The following AXIN2 variants were observed in gnomAD, a reference collection of about 807,000 sequenced individuals.
The protein encoded by AXIN2 is axin-2.
In AXIN2, 21 loss-of-function variants were observed where a neutral mutation model predicts 74.7. That is an observed-to-expected ratio of 0.28 (90% CI 0.20 to 0.40). The LOEUF is 0.40. Ranked by LOEUF, AXIN2 falls within the 10% of genes least tolerant of loss-of-function variation. The probability of loss-of-function intolerance (pLI) is 1.00; values close to 1 mark genes in which losing one functional copy is unlikely to be tolerated. For missense variants in AXIN2, 1,144 were observed against 1,111.1 expected (o/e 1.03, Z -0.42); for synonymous variants, 532 against 454.9 (o/e 1.17, Z -2.16).
chr17:65,558,182 T>C lies in AXIN2; in HGVS notation c.439A>G (p.Lys147Glu). The C allele has an allele frequency of 6.2e-7, 1 of 1,612,798 alleles. No homozygotes were observed. The highest frequency in any genetic ancestry group is 1.3e-5 in the African/African-American group (1 of 74,516). ...GTCTTGGTGGCAGGCTTCAGCTGCT[T>C]GGAGACAATGCTGTTGTTCTCAATG... ...RYIENNSIVS[K>E]QLKPATKTYI... Residue 147 changes from lysine to glutamate, a missense_variant, in exon 2 of 11, where the codon AAG (lysine) becomes GAG (glutamate). This residue lies in a region of AXIN2 where 1,053 missense variants were observed against 973.5 expected (regional missense o/e 1.08). Transcript: ENST00000307078.
rs931608809 is a variant in AXIN2, at chr17:65,537,560, G to A, written c.1476C>T (p.Ala492=). Residue 492 remains alanine, a synonymous_variant, in exon 6 of 11, where the codon GCC becomes GCT. Coordinates refer to ENST00000307078, the MANE Select transcript of AXIN2 (RefSeq NM_004655.4). ...CGAGGAGGGGGCAGGCGCCCGGCGA[G>A]GCGGCCGCGGGAGGCAGCTTGCCAC... ...PPGGKLPPAA[A]SPGACPLLGG... The A allele has an allele frequency of 4.3e-5, 70 of 1,611,386 alleles. No homozygotes were observed. The highest frequency in any genetic ancestry group is 5.9e-5 in the Non-Finnish European group (69 of 1,179,328).
Position 65,529,611 on chromosome 17 carries a change from G to C in AXIN2, c.*365C>G. ...GAAATCAACTGTTCTATAAATATCA[G>C]TAAGGATTCCTGTTCAGGTAAGCTA... On this transcript the variant is annotated 3_prime_UTR_variant, in exon 11 of 11. Coordinates refer to ENST00000307078, the MANE Select transcript of AXIN2 (RefSeq NM_004655.4). 1 of 399,690 alleles carries C rather than the reference G, an allele frequency of 2.5e-6. No individual in the cohort carries two copies. Among genetic ancestry groups the C allele is most frequent in the African/African-American group, 2.0e-5 (1 of 50,264 alleles). 24.8% of individuals were successfully genotyped at this position (399,690 alleles called of 1,614,324 possible).
chr17:65,533,804 C>A, intron 10 of AXIN2, 108 bp downstream of exon 10: 13 of 719,574 alleles, frequency 1.8e-5, no homozygotes, highest in East Asian at 3.8e-5. Flanking sequence ...TGAGCCCCCT[C>A]CCACCCTGCC....
intron 4 of AXIN2, 29 bp downstream of exon 4, chr17:65,541,426 G>T (rs763010361): frequency 6.3e-7 from 1 of 1,577,688 alleles, no homozygotes; most frequent in East Asian, 2.2e-5. Context: ...GCAGAAAACA[G>T]CTGTCTCCTC....
At position 65,541,507 on chromosome 17, in the gene AXIN2, T is replaced by G. The variant is rs988630121; in HGVS notation, c.1007A>C (p.Glu336Ala). Reference protein sequence around the residue: ...RVGSKKQLQREMHRSVKANGQ... With the variant: ...RVGSKKQLQRAMHRSVKANGQ... ...ATTGGCCTTCACACTGCGATGCATTTCTCTCTGGAGCTGTTTCTTACTGCC... is the reference window on the plus strand; with the variant it reads ...ATTGGCCTTCACACTGCGATGCATTGCTCTCTGGAGCTGTTTCTTACTGCC... The change falls in exon 4 of 11, where the codon GAA (glutamate) becomes GCA (alanine). Residue 336 changes from glutamate to alanine, a missense_variant. Physicochemically the swap from Glu to Ala is moderately radical, Grantham distance 107. This residue lies in a region of AXIN2 where 1,053 missense variants were observed against 973.5 expected (regional missense o/e 1.08). Coordinates refer to ENST00000307078, the MANE Select transcript of AXIN2 (RefSeq NM_004655.4). 6.2e-7 allele frequency: 1 copy of G among 1,614,170 alleles called. No individual in the cohort carries two copies. Among genetic ancestry groups the G allele is most frequent in the Non-Finnish European group, 8.5e-7 (1 of 1,180,024 alleles).
chr17:65,558,038 T>C lies in AXIN2; in HGVS notation c.583A>G (p.Ile195Val), dbSNP rs2044297799. The C allele has an allele frequency of 2.5e-6, 4 of 1,614,150 alleles. No individual in the cohort carries two copies. Among genetic ancestry groups the C allele is most frequent in the Non-Finnish European group, 3.4e-6 (4 of 1,180,028 alleles). ...CCACTCCTCACATATTCGAGGTATA[T>C]ATCAGAAGTCAAAAACATCTGGTAG... ...NAYQMFLTSD[I>V]YLEYVRSGGE... Residue 195 changes from isoleucine (I) to valine (V), a missense_variant, in exon 2 of 11, where the codon ATA (isoleucine) becomes GTA (valine). By Grantham distance (29) the Ile-to-Val change is conservative. Around this residue, in one of 4 missense-constraint regions of AXIN2, gnomAD observed 1,053 missense variants for 973.5 expected, o/e 1.08. Coordinates refer to ENST00000307078, the MANE Select transcript of AXIN2 (RefSeq NM_004655.4).
rs1555577948 is a variant in AXIN2, at chr17:65,537,662, G to C, written c.1374C>G (p.Gly458=). The C allele has an allele frequency of 6.4e-7, 1 of 1,563,834 alleles. No homozygotes were observed. Residue 458 remains glycine, a synonymous_variant, in exon 6 of 11, where the codon GGC becomes GGG. Coordinates refer to ENST00000307078, the MANE Select transcript of AXIN2 (RefSeq NM_004655.4). ...GGGAGCGGGAGCGGGGGCTATAGCG[G>C]CCTACGCCTGGAGACTGGCAGCCAG... ...KTPGCQSPGV[G]RYSPRSRSPD... is the part of the protein sequence containing the mutation.
intron 5 of AXIN2, 61 bp from the exon 6 acceptor site, chr17:65,537,896 G>T (rs2144469829): frequency 6.7e-7 from 1 of 1,491,050 alleles, no homozygotes; most frequent in East Asian, 2.4e-5. Flanking sequence ...AGAGGCCCTG[G>T]GGTTGCAACA....
Position 65,538,132 on chromosome 17 carries a change from T to C in AXIN2, c.1200+71A>G, listed in dbSNP as rs8078753. The C allele has an allele frequency of 0.89, 1,437,645 of 1,610,464 alleles. 642,127 individuals carry two copies. Among genetic ancestry groups the C allele is most frequent in the Middle Eastern group, 0.96 (5,387 of 5,624 alleles). On this transcript the variant is annotated intron_variant, in intron 5 of 10. Transcript: ENST00000307078. ...CATGCGCACACCCTAACGCACCCCA[T>C]GCACATGCGCATACACATACGAGCG...
chr17:65,556,101 G>C (rs1358677907), intron 2 of AXIN2, among the ~76,000 whole-genome samples: 1 of 152,130 alleles, frequency 6.6e-6, no homozygotes, highest in Non-Finnish European at 1.5e-5. Context: ...TCCCAGATGA[G>C]GCAAGCCCAG....
At chr17:65,538,847 C>A (rs753438138) in intron 4 of AXIN2, among the ~76,000 whole-genome samples, 3 of 152,050 alleles carry the variant, frequency 2.0e-5, no homozygotes, top group Non-Finnish European at 4.4e-5. Flanking sequence ...GGGAGTCAAA[C>A]GGCCTGGATC....
chr17:65,545,399 ATT>A (rs1567761281), intron 3 of AXIN2, among the ~76,000 whole-genome samples: 1 of 152,070 alleles, frequency 6.6e-6, no homozygotes, highest in East Asian at 1.9e-4. Flanking sequence ...CGTTAAAAAA[ATT>A]TTTTTTGGCA....
chr17:65,560,801 G>C (rs1241396785), intron 1 of AXIN2: 2 of 151,098 alleles, frequency 1.3e-5, no homozygotes, highest in African/African-American at 4.9e-5. Context: ...CGGTCCGCCC[G>C]GCCGCCTCGG....
intron 3 of AXIN2, 149 bp downstream of exon 3, chr17:65,549,371 T>C: frequency 1.0e-6 from 1 of 960,466 alleles, no homozygotes; most frequent in Non-Finnish European, 1.6e-6. Flanking sequence ...CACCATACCC[T>C]TGTCATACTC....
At chr17:65,539,788 C>T (rs1401909403) in intron 4 of AXIN2, among the ~76,000 whole-genome samples, 1 of 152,242 alleles carries the variant, frequency 6.6e-6, no homozygotes, top group Non-Finnish European at 1.5e-5. Flanking sequence ...AGGAAGGATT[C>T]ATAAACACCT....
rs760015691 is a variant in AXIN2, at chr17:65,535,590, C to T, written c.2237+36G>A. On this transcript the variant is annotated intron_variant, in intron 9 of 10. Transcript: ENST00000307078. The stretch of plus-strand genomic sequence containing the variant: ...CGAATATTCTGAAACATAAAGCACT[C>T]GGCAGATCTCAGTAATGTCAGGTAA... 1.4e-5 allele frequency: 22 copies of T among 1,580,452 alleles called. No individual in the cohort carries two copies. The highest frequency in any genetic ancestry group is 1.0e-4 in the Admixed American group (6 of 59,938).
intron 2 of AXIN2, among the ~76,000 whole-genome samples, chr17:65,554,252 T>TTCCTCC (rs372639572): frequency 0.013 from 2,008 of 151,692 alleles, 45 homozygotes; most frequent in African/African-American, 0.045. Flanking sequence ...CCTCTTCCTC[T>TTCCTCC]TCCTCCTCCT....
chr17:65,552,418 T>G (rs1278118120), intron 2 of AXIN2, among the ~76,000 whole-genome samples: 1 of 152,244 alleles, frequency 6.6e-6, no homozygotes, highest in Non-Finnish European at 1.5e-5. Context: ...GCGTGGATAC[T>G]GCCTTGAAGC....
chr17:65,534,451 G>A (rs1053477970), intron 9 of AXIN2, among the ~76,000 whole-genome samples: 1 of 152,212 alleles, frequency 6.6e-6, no homozygotes, highest in Non-Finnish European at 1.5e-5. Context: ...GAGATGCCGG[G>A]TCTCACCTGG....
Sources: gnomAD v4.1 joint callset for allele counts (sites outside exome capture counted in the v4.1 genomes callset) on GRCh38, gnomAD v4.1.1 for gene constraint, gnomAD v4.1.1 regional missense constraint, MANE v1.5 for transcripts, NCBI Gene and HGNC (gene_info 2026-07-23, HGNC 2026-07-21) for gene names.